The following EPHA6 variants were observed in gnomAD, a reference collection of about 807,000 sequenced individuals.
The protein encoded by EPHA6 is ephrin type-A receptor 6.
Under a neutral mutation model 112.0 loss-of-function variants are expected in EPHA6, and 50 were observed. The ratio of observed to expected loss-of-function variants is 0.45; its 90% CI spans 0.36 to 0.56. EPHA6 has a LOEUF of 0.56. Among genes scored for constraint, EPHA6 ranks in the 20% least tolerant of loss-of-function variants. EPHA6 has a pLI of 0.00. For missense variants in EPHA6, 1,280 were observed against 1,417.4 expected (o/e 0.90, Z 1.56); for synonymous variants, 529 against 490.7 (o/e 1.08, Z -1.03).
At chr3:96,884,726 G>A (rs974295740) in intron 2 of EPHA6, among the ~76,000 whole-genome samples, 6 of 152,052 alleles carry the variant, frequency 3.9e-5, no homozygotes, top group Non-Finnish European at 8.8e-5. Flanking sequence ...CTTCCTTCTT[G>A]TCTGATTGCT....
intron 2 of EPHA6, among the ~76,000 whole-genome samples, chr3:96,930,962 A>G (rs1379379343): frequency 1.6e-5 from 2 of 121,910 alleles, no homozygotes; most frequent in Admixed American, 1.0e-4. Context: ...ATTGCACTAC[A>G]GCCTGGGTGA....
chr3:97,187,735 AAG>A (rs1018012895), intron 3 of EPHA6, among the ~76,000 whole-genome samples: 5 of 148,678 alleles, frequency 3.4e-5, no homozygotes, highest in East Asian at 2.0e-4. Flanking sequence ...GAAAGAAAGA[AAG>A]AAAGAAAGAG....
intron 15 of EPHA6, among the ~76,000 whole-genome samples, chr3:97,734,734 G>C (rs775485724): frequency 6.3e-4 from 96 of 151,930 alleles, no homozygotes; most frequent in Non-Finnish European, 1.1e-3. Flanking sequence ...ACAGAGGAGG[G>C]GGAAGTTAAA....
intron 2 of EPHA6, among the ~76,000 whole-genome samples, chr3:96,871,973 T>C (rs2036649521): frequency 6.6e-6 from 1 of 152,030 alleles, no homozygotes; most frequent in South Asian, 2.1e-4. Flanking sequence ...GCCAGTGTGT[T>C]AAGTTCCTTG....
At chr3:97,159,343 T>G (rs1235860687) in intron 3 of EPHA6, among the ~76,000 whole-genome samples, 3 of 152,124 alleles carry the variant, frequency 2.0e-5, no homozygotes, top group Non-Finnish European at 4.4e-5. Flanking sequence ...AGTCTTAACT[T>G]CCAGTTCAAT....
chr3:97,083,068 G>C (rs1395451370), intron 3 of EPHA6, among the ~76,000 whole-genome samples: 1 of 151,884 alleles, frequency 6.6e-6, no homozygotes, highest in Non-Finnish European at 1.5e-5. Flanking sequence ...TACCATGAGA[G>C]CAAATTATGT....
intron 11 of EPHA6, among the ~76,000 whole-genome samples, chr3:97,576,252 G>A (rs1226785442): frequency 6.6e-6 from 1 of 151,112 alleles, no homozygotes; most frequent in Non-Finnish European, 1.5e-5. Flanking sequence ...AAAGCTTCAA[G>A]AAATTTCCAG....
intron 14 of EPHA6, among the ~76,000 whole-genome samples, chr3:97,674,962 A>G (rs1262941816): frequency 6.6e-6 from 1 of 152,114 alleles, no homozygotes; most frequent in African/African-American, 2.4e-5. Context: ...CAAGATTCTA[A>G]TACATCAAGA....
At chr3:97,067,413 A>G (rs1440472273) in intron 3 of EPHA6, among the ~76,000 whole-genome samples, 1 of 152,094 alleles carries the variant, frequency 6.6e-6, no homozygotes, top group Non-Finnish European at 1.5e-5. Context: ...AATGAGAGAT[A>G]TATAAAGATT....
At chr3:96,956,145 A>C (rs540888763) in intron 2 of EPHA6, among the ~76,000 whole-genome samples, 52 of 152,224 alleles carry the variant, frequency 3.4e-4, no homozygotes, top group Non-Finnish European at 6.8e-4. Context: ...TCATTTAGTA[A>C]GTATGAATCT....
chr3:96,846,881 G>C (rs546001604), intron 1 of EPHA6, among the ~76,000 whole-genome samples: 2 of 152,116 alleles, frequency 1.3e-5, no homozygotes, highest in South Asian at 4.1e-4. Context: ...ACTTTTCTTA[G>C]ACCATGTCCA....
chr3:97,255,853 A>T (rs972324412), intron 5 of EPHA6, among the ~76,000 whole-genome samples: 1 of 152,112 alleles, frequency 6.6e-6, no homozygotes, highest in East Asian at 1.9e-4. Context: ...CATGTAATTT[A>T]TCACTATTCT....
At position 97,295,479 on chromosome 3, in the gene EPHA6, T is replaced by C. The variant is rs747554083; in HGVS notation, c.1606+51192T>C. 2.7e-4 allele frequency among the ~76,000 whole-genome samples: 41 copies of C among 152,126 alleles called. 1 individual carries two copies. Among genetic ancestry groups the C allele is most frequent in the Middle Eastern group, 6.3e-3 (2 of 316 alleles). ...ATGTATCATCCATATCCCTAATTGATATTCTGATTTATTTGTATTGTTTGT... is the reference window on the plus strand; with the variant it reads ...ATGTATCATCCATATCCCTAATTGACATTCTGATTTATTTGTATTGTTTGT... On this transcript the variant is annotated intron_variant, in intron 5 of 17. Transcript: ENST00000389672.
At chr3:97,366,179 T>C (rs1041419639) in intron 5 of EPHA6, among the ~76,000 whole-genome samples, 7 of 152,234 alleles carry the variant, frequency 4.6e-5, no homozygotes, top group Non-Finnish European at 1.0e-4. Flanking sequence ...TGTGATTTAT[T>C]GATCCTTTGT....
intron 11 of EPHA6, among the ~76,000 whole-genome samples, chr3:97,567,297 G>A (rs759119107): frequency 6.6e-6 from 1 of 152,024 alleles, no homozygotes; most frequent in Non-Finnish European, 1.5e-5. Context: ...AAAAAACTTG[G>A]CAAATAAAGG....
intron 2 of EPHA6, among the ~76,000 whole-genome samples, chr3:96,934,274 T>G (rs995943057): frequency 6.6e-6 from 1 of 151,848 alleles, no homozygotes; most frequent in Non-Finnish European, 1.5e-5. Context: ...CTATCAGATT[T>G]TTTTCCTTGC....
At chr3:97,170,301 A>G (rs2076663348) in intron 3 of EPHA6, among the ~76,000 whole-genome samples, 1 of 152,150 alleles carries the variant, frequency 6.6e-6, no homozygotes, top group South Asian at 2.1e-4. Flanking sequence ...AAATTGAATC[A>G]AGAAATCCAT....
At chr3:97,298,080 A>T (rs1576875595) in intron 5 of EPHA6, among the ~76,000 whole-genome samples, 4 of 152,148 alleles carry the variant, frequency 2.6e-5, no homozygotes, top group Admixed American at 2.0e-4. Context: ...ATTTTAAAGA[A>T]ATTTTAAATA....
At chr3:97,059,359 C>T (rs1257691677) in intron 3 of EPHA6, among the ~76,000 whole-genome samples, 2 of 152,060 alleles carry the variant, frequency 1.3e-5, no homozygotes, top group South Asian at 2.1e-4. Context: ...AATCTCAGAC[C>T]CCTTAGGGCA....
Sources: gnomAD v4.1 joint callset for allele counts (sites outside exome capture counted in the v4.1 genomes callset) on GRCh38, gnomAD v4.1.1 for gene constraint, MANE v1.5 for transcripts, NCBI Gene and HGNC (gene_info 2026-07-23, HGNC 2026-07-21) for gene names.